NR3C2: variants seen among roughly 807,000 people sequenced by gnomAD.
NR3C2 encodes the protein mineralocorticoid receptor.
In NR3C2, 15 loss-of-function variants were observed where a neutral mutation model predicts 86.4. The observed-to-expected ratio is 0.17, with a 90% CI of 0.12 to 0.27. The LOEUF (loss-of-function observed/expected upper bound fraction) is 0.27, where lower values mean the gene tolerates loss of function less well. NR3C2 is among the 10% of genes least tolerant of loss of function. The pLI is 1.00. For synonymous variants in NR3C2, 458 were observed against 450.5 expected, an observed-to-expected ratio of 1.02 and a Z score of -0.21; for missense variants, 960 against 1,195.6, an observed-to-expected ratio of 0.80 and a Z score of 2.91.
At chr4:148,265,337 T>C (rs17620775) in intron 2 of NR3C2, among the ~76,000 whole-genome samples, 27,009 of 152,108 alleles carry the variant, frequency 0.18, 3,076 homozygotes, top group East Asian at 0.47. Context: ...TAGTGTGCTA[T>C]GTTTTTGCCC....
chr4:148,301,738 A>T (rs1742346666), intron 2 of NR3C2, among the ~76,000 whole-genome samples: 2 of 152,216 alleles, frequency 1.3e-5, no homozygotes, highest in Admixed American at 1.3e-4. Context: ...TTACACTTGT[A>T]ACATATTTAA....
intron 3 of NR3C2, among the ~76,000 whole-genome samples, chr4:148,210,411 G>C (rs779535665): frequency 1.3e-4 from 20 of 152,216 alleles, no homozygotes; most frequent in Admixed American, 1.3e-4. Context: ...GGCTGGTCTC[G>C]AACTCCAGAG....
intron 8 of NR3C2, among the ~76,000 whole-genome samples, chr4:148,103,451 C>G (rs886683689): frequency 3.3e-5 from 5 of 152,340 alleles, no homozygotes; most frequent in African/African-American, 1.2e-4. Flanking sequence ...CCAGGCCCTC[C>G]CTCCGGGAAG....
At position 148,081,497 on chromosome 4, in the gene NR3C2, C is replaced by T; in HGVS notation, c.2802G>A (p.Leu934=). 6.2e-7 allele frequency: 1 copy of T among 1,613,930 alleles called. No individual in the cohort carries two copies. Among genetic ancestry groups the T allele is most frequent in the Non-Finnish European group, 8.5e-7 (1 of 1,179,858 alleles). The change falls in exon 9 of 9, where the codon CTG becomes CTA. Residue 934 remains leucine (L), a splice_region_variant and synonymous_variant. Coordinates refer to ENST00000358102, the MANE Select transcript of NR3C2 (RefSeq NM_000901.5). ...AGCAGAATTCCAGCAGGTCGCTCAC[C>T]AGCTGTAACACAGACACAGGGGGCA... ...LTKLLDSMHD[L]VSDLLEFCFY... is the part of the protein sequence containing the mutation.
intron 3 of NR3C2, among the ~76,000 whole-genome samples, chr4:148,196,269 A>G (rs1736438053): frequency 1.3e-5 from 2 of 152,256 alleles, no homozygotes; most frequent in African/African-American, 4.8e-5. Flanking sequence ...GGAAGACAGA[A>G]GGAGCCAGTG....
intron 6 of NR3C2, among the ~76,000 whole-genome samples, chr4:148,139,843 CAT>C (rs1733528176): frequency 6.6e-6 from 1 of 152,208 alleles, no homozygotes; most frequent in South Asian, 2.1e-4. Flanking sequence ...CCCTTCCCCA[CAT>C]GACCCTATTA....
At chr4:148,186,493 T>C (rs934196465) in intron 4 of NR3C2, among the ~76,000 whole-genome samples, 1 of 152,192 alleles carries the variant, frequency 6.6e-6, no homozygotes, top group African/African-American at 2.4e-5. Flanking sequence ...TTATTTCATA[T>C]AGTCATCTTT....
At chr4:148,240,630 G>T (rs958005486) in intron 3 of NR3C2, among the ~76,000 whole-genome samples, 1 of 152,188 alleles carries the variant, frequency 6.6e-6, no homozygotes, top group African/African-American at 2.4e-5. Flanking sequence ...TCAGGTGGCA[G>T]AAGTGATGGA....
At chr4:148,143,441 C>T (rs1733714962) in intron 6 of NR3C2, among the ~76,000 whole-genome samples, 1 of 152,324 alleles carries the variant, frequency 6.6e-6, no homozygotes, top group South Asian at 2.1e-4. Context: ...TGCTATGCCA[C>T]CAACTTATAC....
intron 3 of NR3C2, among the ~76,000 whole-genome samples, chr4:148,205,601 T>A (rs1204010755): frequency 1.3e-5 from 2 of 152,244 alleles, no homozygotes; most frequent in Non-Finnish European, 2.9e-5. Context: ...GGCTATTACA[T>A]GCCAGTTACA....
intron 2 of NR3C2, among the ~76,000 whole-genome samples, chr4:148,376,467 C>A (rs1171896491): frequency 6.6e-6 from 1 of 152,142 alleles, no homozygotes; most frequent in Non-Finnish European, 1.5e-5. Flanking sequence ...ATGCAATAGA[C>A]CCTTTCCTTT....
rs1469552250 is a variant in NR3C2 at position 148,081,388 on chromosome 4, C to T, written c.2911G>A (p.Val971Met). 3 of 1,614,126 alleles carry T rather than the reference C, an allele frequency of 1.9e-6. No homozygotes were observed. In the South Asian group the frequency reaches 3.3e-5, roughly 18 times the overall value. The stretch of plus-strand genomic sequence containing the variant: ...AGCGGCTTGGCGTTCCCCGACTCCA[C>T]CTTGGGCAGCTGGTCGCTGATGATC... Reference protein sequence around the residue: ...VEIISDQLPKVESGNAKPLYF... With the variant: ...VEIISDQLPKMESGNAKPLYF... Residue 971 changes from valine to methionine, a missense_variant, in exon 9 of 9, where the codon GTG (valine) becomes ATG (methionine). Coordinates refer to ENST00000358102, the MANE Select transcript of NR3C2 (RefSeq NM_000901.5).
At chr4:148,348,100 C>T (rs2137332) in intron 2 of NR3C2, among the ~76,000 whole-genome samples, 149,663 of 152,222 alleles carry the variant, frequency 0.98, 73,618 homozygotes, top group East Asian at 1. Context: ...TGGACACTCT[C>T]GGTTGGTGTC....
intron 3 of NR3C2, among the ~76,000 whole-genome samples, chr4:148,221,025 A>G (rs1428399820): frequency 1.3e-5 from 2 of 152,214 alleles, no homozygotes; most frequent in African/African-American, 4.8e-5. Flanking sequence ...AACATGTACC[A>G]AGAATATCTG....
At chr4:148,281,616 G>T (rs943601146) in intron 2 of NR3C2, among the ~76,000 whole-genome samples, 1 of 152,120 alleles carries the variant, frequency 6.6e-6, no homozygotes, top group Non-Finnish European at 1.5e-5. Context: ...CCAATCTTTG[G>T]CCTGAGCTTC....
intron 2 of NR3C2, among the ~76,000 whole-genome samples, chr4:148,405,938 G>A (rs906952420): frequency 3.3e-5 from 5 of 152,250 alleles, no homozygotes; most frequent in African/African-American, 9.6e-5. Flanking sequence ...GAGGTCAGAC[G>A]GTCAAGACCA....
chr4:148,129,237 A>G (rs7665528), intron 6 of NR3C2, among the ~76,000 whole-genome samples: 74,990 of 152,096 alleles, frequency 0.49, 19,001 homozygotes, highest in East Asian at 0.71. Flanking sequence ...ATGAAGCTTC[A>G]TATTATGCTA....
intron 3 of NR3C2, among the ~76,000 whole-genome samples, chr4:148,242,438 A>AT (rs1224537529): frequency 6.6e-6 from 1 of 152,206 alleles, no homozygotes; most frequent in East Asian, 1.9e-4. Context: ...ATGTAGGAAT[A>AT]TGCATACATA....
At chr4:148,341,476 G>C (rs1220442799) in intron 2 of NR3C2, among the ~76,000 whole-genome samples, 1 of 152,150 alleles carries the variant, frequency 6.6e-6, no homozygotes, top group Admixed American at 6.5e-5. Context: ...GAACGACGAA[G>C]AGAGGTTGGT....
Sources: allele counts gnomAD v4.1 joint callset (sites outside exome capture counted in the v4.1 genomes callset), GRCh38; gene constraint gnomAD v4.1.1; transcripts MANE v1.5; gene names NCBI Gene and HGNC (gene_info 2026-07-23, HGNC 2026-07-21).